The following PCDH15 variants were observed in gnomAD, a reference collection of about 807,000 sequenced individuals.
PCDH15 encodes the protein protocadherin related 15.
In PCDH15, 129 loss-of-function variants were observed where a neutral mutation model predicts 178.5. The observed-to-expected ratio is 0.72, with a 90% CI of 0.63 to 0.84. The LOEUF (loss-of-function observed/expected upper bound fraction) is 0.84, where lower values mean the gene tolerates loss of function less well. Ranked by LOEUF, PCDH15 falls within the 40% of genes least tolerant of loss-of-function variation. The probability of loss-of-function intolerance (pLI) is 0.00; values close to 1 mark genes in which losing one functional copy is unlikely to be tolerated. For synonymous variants in PCDH15, 800 were observed against 732.0 expected, an observed-to-expected ratio of 1.09 and a Z score of -1.50; for missense variants, 2,230 against 2,099.9, an observed-to-expected ratio of 1.06 and a Z score of -1.21.
chr10:54,996,254 T>A (rs1839640990), intron 2 of PCDH15, among the ~76,000 whole-genome samples: 1 of 152,168 alleles, frequency 6.6e-6, no homozygotes, highest in Non-Finnish European at 1.5e-5. Flanking sequence ...TCTGATTGCC[T>A]AGGAAGAATA....
chr10:55,356,768 G>A (rs778021031), intron 2 of PCDH15, among the ~76,000 whole-genome samples: 1 of 151,866 alleles, frequency 6.6e-6, no homozygotes, highest in Non-Finnish European at 1.5e-5. Context: ...TTTTTCAGAT[G>A]ATTAAGCTGA....
intron 1 of PCDH15, among the ~76,000 whole-genome samples, chr10:55,281,694 T>C (rs149039019): frequency 6.6e-5 from 10 of 152,284 alleles, no homozygotes; most frequent in African/African-American, 2.4e-4. Context: ...CAAATCCATA[T>C]ATTAACCTGG....
chr10:54,825,026 C>T (rs1420866593), intron 3 of PCDH15, among the ~76,000 whole-genome samples: 7 of 152,100 alleles, frequency 4.6e-5, no homozygotes, highest in Admixed American at 1.3e-4. Context: ...CTCCCCCCTC[C>T]TCCCACCCCA....
intron 2 of PCDH15, among the ~76,000 whole-genome samples, chr10:54,653,143 T>A (rs1368672842): frequency 6.6e-6 from 1 of 152,176 alleles, no homozygotes. Context: ...TTAGATCAAG[T>A]AACTTGACTC....
intron 2 of PCDH15, among the ~76,000 whole-genome samples, chr10:55,518,542 G>A (rs1374962843): frequency 1.2e-4 from 18 of 151,924 alleles, no homozygotes; most frequent in Non-Finnish European, 2.6e-4. Context: ...GGGAGGTTGG[G>A]GGAGAGTCTC....
At chr10:54,448,873 G>A (rs191892490) in intron 3 of PCDH15, among the ~76,000 whole-genome samples, 18 of 151,594 alleles carry the variant, frequency 1.2e-4, no homozygotes, top group Non-Finnish European at 1.8e-4. Context: ...TTAGTCTTTC[G>A]GGCACAATGT....
At chr10:54,933,339 G>C (rs1244733047) in intron 2 of PCDH15, among the ~76,000 whole-genome samples, 1 of 151,942 alleles carries the variant, frequency 6.6e-6, no homozygotes, top group African/African-American at 2.4e-5. Flanking sequence ...CAGTTTTTAT[G>C]TAAAAAAAAA....
intron 2 of PCDH15, among the ~76,000 whole-genome samples, chr10:55,583,363 C>T (rs897123470): frequency 1.3e-5 from 2 of 152,180 alleles, no homozygotes; most frequent in African/African-American, 4.8e-5. Context: ...TAGAATATAA[C>T]ATGACCCATA....
chr10:54,837,140 A>G (rs1157370390), intron 3 of PCDH15, among the ~76,000 whole-genome samples: 2 of 152,170 alleles, frequency 1.3e-5, no homozygotes, highest in African/African-American at 4.8e-5. Context: ...ATTTCATTAA[A>G]AAGAAAGATT....
intron 2 of PCDH15, among the ~76,000 whole-genome samples, chr10:55,164,063 G>A (rs541368114): frequency 1.3e-5 from 2 of 152,092 alleles, no homozygotes; most frequent in African/African-American, 2.4e-5. Context: ...CAGACCAGAG[G>A]CCTTCCTGTT....
intron 23 of PCDH15, among the ~76,000 whole-genome samples, chr10:53,943,965 G>T (rs575119027): frequency 7.7e-4 from 117 of 152,206 alleles, no homozygotes; most frequent in South Asian, 2.5e-3. Flanking sequence ...GTTACATGAT[G>T]GAGGCAAATT....
chr10:54,234,448 G>GA (rs2054418397), intron 9 of PCDH15, among the ~76,000 whole-genome samples: 3 of 152,180 alleles, frequency 2.0e-5, no homozygotes, highest in South Asian at 4.1e-4. Context: ...AGAACTTAGG[G>GA]AGGCTAAGGT....
intron 3 of PCDH15, among the ~76,000 whole-genome samples, chr10:54,518,374 G>T (rs1380373314): frequency 9.9e-5 from 15 of 151,690 alleles, no homozygotes; most frequent in Admixed American, 6.6e-5. Flanking sequence ...AATGATAAAG[G>T]GGATATCACC....
In PCDH15 at chr10:54,800,912, G is replaced by A. The variant is rs1450426603; in HGVS notation, c.-29+13C>T. The A allele has an allele frequency of 6.6e-6, 1 of 152,016 alleles. No homozygotes were observed. Among genetic ancestry groups the A allele is most frequent in the Non-Finnish European group, 1.5e-5 (1 of 68,004 alleles). The allele number at this position is 152,016 out of a possible 1,614,324, so 9.4% of individuals were successfully genotyped here. A position where few individuals can be genotyped will look rare whatever the true frequency, so the allele number is the denominator to read the frequency against. ...TTTGAAAAAAATAAGAGAAGGGCGG[G>A]GGAAGAACTTACTTGCGGTTTAAAG... On this transcript the variant is annotated intron_variant, in intron 1 of 37. Transcript: ENST00000644397.
chr10:54,511,306 T>G (rs1258740676), intron 3 of PCDH15, among the ~76,000 whole-genome samples: 1 of 152,134 alleles, frequency 6.6e-6, no homozygotes, highest in Non-Finnish European at 1.5e-5. Flanking sequence ...CAGATATGGG[T>G]TACAATTATT....
At chr10:54,350,832 G>A (rs1286298384) in intron 5 of PCDH15, among the ~76,000 whole-genome samples, 3 of 152,040 alleles carry the variant, frequency 2.0e-5, no homozygotes, top group East Asian at 1.9e-4. Flanking sequence ...GCCTGGACAC[G>A]GTGGCTAACG....
chr10:55,204,127 T>C (rs1199513951), intron 1 of PCDH15, among the ~76,000 whole-genome samples: 2 of 148,752 alleles, frequency 1.3e-5, no homozygotes, highest in Non-Finnish European at 3.0e-5. Context: ...TATAATGTAA[T>C]ATATTAAATG....
At chr10:54,328,055 A>G (rs1938569716) in intron 7 of PCDH15, among the ~76,000 whole-genome samples, 1 of 151,998 alleles carries the variant, frequency 6.6e-6, no homozygotes, top group Admixed American at 6.6e-5. Context: ...CAAATGTATA[A>G]TGATATCTAT....
intron 3 of PCDH15, among the ~76,000 whole-genome samples, chr10:54,817,629 A>C (rs1952969925): frequency 6.6e-6 from 1 of 152,038 alleles, no homozygotes; most frequent in Non-Finnish European, 1.5e-5. Context: ...ATTCACAGTA[A>C]TTTCAATCAA....
Sources: gnomAD v4.1 joint callset for allele counts (sites outside exome capture counted in the v4.1 genomes callset) on GRCh38, gnomAD v4.1.1 for gene constraint, MANE v1.5 for transcripts, NCBI Gene and HGNC (gene_info 2026-07-23, HGNC 2026-07-21) for gene names.